ENOX2: variants seen among roughly 807,000 people sequenced by gnomAD.
The protein encoded by ENOX2 is ecto-NOX disulfide-thiol exchanger 2, also known as APK1 antigen.
A neutral mutation model predicts 45.0 loss-of-function variants in ENOX2; 36 were observed. That is an observed-to-expected ratio of 0.80 (90% CI 0.61 to 1.06). ENOX2 has a LOEUF of 1.06. Among genes scored for constraint, ENOX2 ranks in the 50% least tolerant of loss-of-function variants. The pLI, the probability that ENOX2 is intolerant of heterozygous loss-of-function variation, is 0.00. For missense variants in ENOX2, 423 were observed against 462.5 expected (o/e 0.91, Z 0.78); for synonymous variants, 174 against 152.3 (o/e 1.14, Z -1.05).
chrX:130,709,274 T>C lies in ENOX2; in HGVS notation c.-38-6020A>G. 3 of 1,207,180 alleles carry C rather than the reference T, an allele frequency of 2.5e-6. No homozygotes were observed. The South Asian group carries it at 5.3e-5, about 21-fold the overall frequency. ...AGCCTATTTCGTAGACCCACAGCCA[T>C]CTAAAATCTCTTTGCATTGTGTGGT... is the stretch of plus-strand genomic sequence containing the variant. On this transcript the variant is annotated intron_variant, in intron 3 of 14. Coordinates refer to ENST00000394363, the MANE Select transcript of ENOX2 (RefSeq NM_006375.4).
At chrX:130,723,661 C>T (rs1249384091) in intron 3 of ENOX2, among the ~76,000 whole-genome samples, 2 of 111,771 alleles carry the variant, frequency 1.8e-5, no homozygotes, top group East Asian at 5.6e-4. Context: ...CTCTTCATTG[C>T]AGAATCAGTA....
intron 3 of ENOX2, among the ~76,000 whole-genome samples, chrX:130,765,946 A>C (rs886317543): frequency 5.4e-5 from 6 of 111,537 alleles, no homozygotes; most frequent in African/African-American, 1.9e-4. Context: ...TCTGAACCAC[A>C]GAACATAGAC....
intron 12 of ENOX2, among the ~76,000 whole-genome samples, chrX:130,632,791 C>A (rs937433119): frequency 8.9e-5 from 10 of 112,029 alleles, no homozygotes; most frequent in Non-Finnish European, 1.7e-4. Flanking sequence ...CAGAGGGGAA[C>A]CCTTTCTTGA....
Position 130,669,947 on chromosome X carries a change from C to G in ENOX2, c.694+18G>C, listed in dbSNP as rs1313266213. 9.2e-7 allele frequency: 1 copy of G among 1,090,254 alleles called. No homozygotes were observed. The highest frequency in any genetic ancestry group is 2.2e-5 in the Admixed American group (1 of 45,909). 89.8% of individuals were successfully genotyped at this position (1,090,254 alleles called of 1,213,427 possible). A position where few individuals can be genotyped will look rare whatever the true frequency, so the allele number is the denominator to read the frequency against. On this transcript the variant is annotated intron_variant, in intron 7 of 14. Coordinates refer to ENST00000394363, the MANE Select transcript of ENOX2 (RefSeq NM_006375.4). ...GAAAAGAGTTCTTTTAATCATGAAG[C>G]TTGAGTGCCTTTGATACCTTTTAAT...
intron 3 of ENOX2, among the ~76,000 whole-genome samples, chrX:130,750,078 T>C (rs2039182454): frequency 9.0e-6 from 1 of 110,917 alleles, no homozygotes. Context: ...CATCTCACTC[T>C]GTCTGTCTAT....
chrX:130,710,883 T>C (rs1355203200), intron 3 of ENOX2, among the ~76,000 whole-genome samples: 3 of 111,958 alleles, frequency 2.7e-5, no homozygotes, highest in Non-Finnish European at 5.6e-5. Flanking sequence ...CCAGGTACCA[T>C]GGAATGCTCA....
chrX:130,836,493 C>T (rs1414418553), intron 2 of ENOX2, among the ~76,000 whole-genome samples: 3 of 111,239 alleles, frequency 2.7e-5, no homozygotes, highest in Non-Finnish European at 5.7e-5. Context: ...TTCAAAGACT[C>T]GACTGGCCTT....
chrX:130,752,599 C>T (rs982272043), intron 3 of ENOX2, among the ~76,000 whole-genome samples: 5 of 111,096 alleles, frequency 4.5e-5, no homozygotes, highest in African/African-American at 9.8e-5. Flanking sequence ...GTCTACCTAT[C>T]TCTCTGCAAC....
At chrX:130,883,994 T>C (rs1273031913) in intron 2 of ENOX2, among the ~76,000 whole-genome samples, 2 of 112,352 alleles carry the variant, frequency 1.8e-5, no homozygotes, top group Non-Finnish European at 3.8e-5. Context: ...AGGAACACAG[T>C]GAGGGATGTT....
Position 130,760,855 on chromosome X carries a change from G to GT in ENOX2, c.-39+22691dup, listed in dbSNP as rs374625292. 4.1e-3 allele frequency among the ~76,000 whole-genome samples: 363 copies of GT among 87,666 alleles called. 3 individuals are homozygous for GT. Among genetic ancestry groups the GT allele is most frequent in the African/African-American group, 0.011 (268 of 23,462 alleles). The allele number at this position is 87,666 out of a possible 115,157, so 76.1% of individuals were successfully genotyped here. On this transcript the variant is annotated intron_variant, in intron 3 of 14. Transcript: ENST00000394363. ...TAGCCTCCACTCCTATTTCTGAGAG[G>GT]TTTTTTTTTTTTTTAAATCATGGAT...
chrX:130,880,688 G>C lies in ENOX2; in HGVS notation c.-183+20996C>G, dbSNP rs145564991. On this transcript the variant is annotated intron_variant, in intron 2 of 14. Transcript: ENST00000394363. ...ACTATGAGAGCTAAAATGTATAAAAGTGTCTATGACATAAACATTGAAGGT... is the reference window on the plus strand; with the variant it reads ...ACTATGAGAGCTAAAATGTATAAAACTGTCTATGACATAAACATTGAAGGT... 4.5e-3 allele frequency among the ~76,000 whole-genome samples: 499 copies of C among 111,851 alleles called. 2 individuals carry two copies. The highest frequency in any genetic ancestry group is 0.015 in the African/African-American group (475 of 30,825).
chrX:130,740,402 C>CAA (rs60025578), intron 3 of ENOX2, among the ~76,000 whole-genome samples: 1 of 79,616 alleles, frequency 1.3e-5, no homozygotes, highest in South Asian at 5.8e-4. Flanking sequence ...GACTCTGTCT[C>CAA]AAAAAAAAAA....
intron 2 of ENOX2, among the ~76,000 whole-genome samples, chrX:130,880,104 G>A (rs1012953216): frequency 9.0e-6 from 1 of 111,610 alleles, no homozygotes; most frequent in Admixed American, 9.5e-5. Context: ...GAGTGAGTTT[G>A]AATGGTACAA....
intron 2 of ENOX2, among the ~76,000 whole-genome samples, chrX:130,855,388 C>T (rs898550125): frequency 2.2e-4 from 25 of 111,670 alleles, no homozygotes; most frequent in Admixed American, 4.7e-4. Context: ...GAAATGTGTA[C>T]ATAATTTATA....
chrX:130,629,620 C>T (rs1399561961), intron 13 of ENOX2, among the ~76,000 whole-genome samples: 1 of 112,053 alleles, frequency 8.9e-6, no homozygotes, highest in African/African-American at 3.2e-5. Context: ...AATGGCAGGT[C>T]CCCCTGTGCA....
At position 130,646,206 on chromosome X, in the gene ENOX2, C is replaced by G; in HGVS notation, c.1130-8796G>C. ...ACCTCTCCATGGCAGTCAAAGATCACTTGGAATTGTGCCTGGTCAAATGCA... is the reference window on the plus strand; with the variant it reads ...ACCTCTCCATGGCAGTCAAAGATCAGTTGGAATTGTGCCTGGTCAAATGCA... On this transcript the variant is annotated intron_variant, in intron 10 of 14. Coordinates refer to ENST00000394363, the MANE Select transcript of ENOX2 (RefSeq NM_006375.4). The G allele has an allele frequency of 8.5e-6, 4 of 473,275 alleles. No individual in the cohort carries two copies. The Admixed American group carries it at 1.0e-4, about 12-fold the overall frequency. The allele number at this position is 473,275 out of a possible 1,213,427, so 39.0% of individuals were successfully genotyped here.
In ENOX2 at chrX:130,785,155, G is replaced by A. The variant is rs910762439; in HGVS notation, c.-182-1465C>T. 3.4e-4 allele frequency among the ~76,000 whole-genome samples: 37 copies of A among 107,827 alleles called. No homozygotes were observed. The Middle Eastern group carries it at 0.024, about 69-fold the overall frequency. 93.6% of individuals were successfully genotyped at this position (107,827 alleles called of 115,157 possible). ...AGCCTGACCAACATGGAGAAACCCC[G>A]TCTGTACTAAAAATACAAAATAAGC... On this transcript the variant is annotated intron_variant, in intron 2 of 14. Transcript: ENST00000394363.
intron 11 of ENOX2, 99 bp downstream of exon 11, chrX:130,637,127 GAAT>G: frequency 1.5e-6 from 1 of 660,232 alleles, no homozygotes; most frequent in Middle Eastern, 3.2e-4. Flanking sequence ...ACATCAAGAA[GAAT>G]AATAGGTTTG....
At chrX:130,859,318 C>G (rs2078371177) in intron 2 of ENOX2, among the ~76,000 whole-genome samples, 1 of 111,401 alleles carries the variant, frequency 9.0e-6, no homozygotes, top group South Asian at 3.7e-4. Flanking sequence ...GGTGATAGAG[C>G]AAGACTCTGT....
Sources: allele counts gnomAD v4.1 joint callset (sites outside exome capture counted in the v4.1 genomes callset), GRCh38; gene constraint gnomAD v4.1.1; transcripts MANE v1.5; gene names NCBI Gene and HGNC (gene_info 2026-07-23, HGNC 2026-07-21).